The following ODAD2 variants were observed in gnomAD, a reference collection of about 807,000 sequenced individuals.
ODAD2 encodes outer dynein arm-docking complex subunit 2.
In ODAD2, 89 loss-of-function variants were observed where a neutral mutation model predicts 106.8. The observed-to-expected ratio is 0.83, with a 90% confidence interval of 0.70 to 0.99. ODAD2 has a LOEUF of 0.99. Ranked by LOEUF, ODAD2 falls within the 50% of genes least tolerant of loss-of-function variation. ODAD2 has a pLI of 0.00. For missense variants in ODAD2, 1,168 were observed against 1,238.5 expected, an observed-to-expected ratio of 0.94 and a Z score of 0.85; for synonymous variants, 404 against 436.2, an observed-to-expected ratio of 0.93 and a Z score of 0.92.
chr10:27,885,769 T>TTATATAAAATATATATTTATATAATA (rs1842145041), intron 17 of ODAD2, among the ~76,000 whole-genome samples: 2 of 38,392 alleles, frequency 5.2e-5, no homozygotes, highest in Non-Finnish European at 9.9e-5. Flanking sequence ...TTTATATATA[T>TTATATAAAATATATATTTATATAATA]TATATAAAAT....
At chr10:27,991,260 C>T (rs535526525) in intron 2 of ODAD2, among the ~76,000 whole-genome samples, 5 of 152,134 alleles carry the variant, frequency 3.3e-5, no homozygotes, top group East Asian at 1.9e-4. Flanking sequence ...GACCCCCAGC[C>T]CCCACCCCAA....
At chr10:27,961,790 T>G in intron 9 of ODAD2, 75 bp from the exon 10 acceptor site, 1 of 1,304,224 alleles carries the variant, frequency 7.7e-7, no homozygotes, top group East Asian at 2.4e-5. Context: ...TGGGGCCAGG[T>G]GCAGTGGCTC....
intron 17 of ODAD2, among the ~76,000 whole-genome samples, chr10:27,871,595 C>T (rs1448221442): frequency 6.6e-6 from 1 of 152,166 alleles, no homozygotes; most frequent in African/African-American, 2.4e-5. Context: ...TTTCCCAGCA[C>T]CATTTATTAA....
Position 27,974,752 on chromosome 10 carries a change from AAT to A in ODAD2, c.937-3441_937-3440del, listed in dbSNP as rs1849086921. Among the ~76,000 whole-genome samples, 6 of 151,240 alleles carry A rather than the reference AAT, an allele frequency of 4.0e-5. No individual in the cohort carries two copies. The South Asian group carries it at 1.3e-3, about 32-fold the overall frequency. ...TTTTCTGGTTCCATATGAATTTTAA[AAT>A]AGTTTTTTCTAGTTCTGTGAAGAAT... On this transcript the variant is annotated intron_variant, in intron 7 of 19. Coordinates refer to ENST00000305242, the MANE Select transcript of ODAD2 (RefSeq NM_018076.5).
chr10:27,954,131 T>C (rs930237967), intron 10 of ODAD2, among the ~76,000 whole-genome samples: 3 of 152,210 alleles, frequency 2.0e-5, no homozygotes, highest in South Asian at 4.1e-4. Flanking sequence ...CCTCAACTCA[T>C]ATATTTAAAA....
intron 10 of ODAD2, chr10:27,958,696 C>G (rs745371936): frequency 2.6e-6 from 1 of 380,796 alleles, no homozygotes; most frequent in Non-Finnish European, 4.4e-6. Flanking sequence ...TTATTGCCAA[C>G]AGTTACTAAC....
chr10:27,904,276 T>C, intron 17 of ODAD2: 1 of 403,944 alleles, frequency 2.5e-6, no homozygotes, highest in Non-Finnish European at 5.0e-6. Flanking sequence ...CCCCACAAAG[T>C]GGCACAGGAC....
intron 10 of ODAD2, chr10:27,959,091 C>T (rs1564549289): frequency 1.9e-6 from 2 of 1,044,342 alleles, no homozygotes; most frequent in African/African-American, 1.7e-5. Context: ...AATCCCAGCA[C>T]TTTGGGAGGC....
intron 17 of ODAD2, among the ~76,000 whole-genome samples, chr10:27,884,770 G>A (rs1841961554): frequency 1.3e-5 from 2 of 152,122 alleles, no homozygotes. Flanking sequence ...AAGCTGGGGT[G>A]AGCCTCTTTG....
chr10:27,940,509 G>C, intron 13 of ODAD2, 54 bp downstream of exon 13: 3 of 1,597,722 alleles, frequency 1.9e-6, no homozygotes, highest in East Asian at 4.5e-5. Flanking sequence ...AACAACTTTT[G>C]GACTAAAGAA....
rs562678387 is a variant in ODAD2 at position 27,864,187 on chromosome 10, G to A, written c.2611-1565C>T. Among the ~76,000 whole-genome samples, 181 of 151,556 alleles carry A rather than the reference G, an allele frequency of 1.2e-3. 1 individual carries two copies. Among genetic ancestry groups the A allele is most frequent in the African/African-American group, 4.0e-3 (167 of 41,270 alleles). ...GCCTGGAGAGAAGATTGTGGATTTGGGAAGCTTGCTTGGAGAAGATAGAGA... is the reference window on the plus strand; with the variant it reads ...GCCTGGAGAGAAGATTGTGGATTTGAGAAGCTTGCTTGGAGAAGATAGAGA... On this transcript the variant is annotated intron_variant, in intron 17 of 19. Coordinates refer to ENST00000305242, the MANE Select transcript of ODAD2 (RefSeq NM_018076.5).
chr10:27,817,427 C>T (rs1014527326), intron 19 of ODAD2, among the ~76,000 whole-genome samples: 8 of 152,130 alleles, frequency 5.3e-5, no homozygotes, highest in Non-Finnish European at 7.3e-5. Flanking sequence ...GAAGTCTGGG[C>T]TTTTAATGCA....
At chr10:27,945,948 G>A (rs1429863300) in intron 10 of ODAD2, among the ~76,000 whole-genome samples, 2 of 151,600 alleles carry the variant, frequency 1.3e-5, no homozygotes, top group Non-Finnish European at 2.9e-5. Flanking sequence ...TGTTTTAAGG[G>A]AAGACACCTT....
chr10:27,923,949 A>T (rs1311968157), intron 16 of ODAD2, among the ~76,000 whole-genome samples: 2 of 40,718 alleles, frequency 4.9e-5, no homozygotes, highest in Non-Finnish European at 9.5e-5. Context: ...GTCTAATGAA[A>T]GAAAGAAAGA....
rs79786826 is a variant in ODAD2 at position 27,855,130 on chromosome 10, A to G, written c.3021+5495T>C. The stretch of plus-strand genomic sequence containing the variant: ...TGTAGGCATATATATGTCAAAATCT[A>G]TCAAAGTGTACACCTTAAAATGTGC... On this transcript the variant is annotated intron_variant, in intron 19 of 19. Coordinates refer to ENST00000305242, the MANE Select transcript of ODAD2 (RefSeq NM_018076.5). Among the ~76,000 whole-genome samples the G allele has an allele frequency of 2.0e-5, 3 of 152,298 alleles. No homozygotes were observed. In the East Asian group the frequency reaches 5.8e-4, roughly 29 times the overall value.
chr10:27,983,798 A>G (rs778734931), intron 6 of ODAD2, 45 bp downstream of exon 6: 9 of 1,583,670 alleles, frequency 5.7e-6, no homozygotes, highest in South Asian at 1.1e-5. Context: ...ACAGCTAACA[A>G]TCAAAGTCCA....
chr10:27,955,696 G>GGT (rs56731384), intron 10 of ODAD2, among the ~76,000 whole-genome samples: 9,586 of 142,816 alleles, frequency 0.067, 399 homozygotes, highest in East Asian at 0.16. Context: ...AACCAATTAA[G>GGT]GTGTGTGTGT....
chr10:27,950,906 TA>T (rs1365402884), intron 10 of ODAD2, among the ~76,000 whole-genome samples: 3 of 152,114 alleles, frequency 2.0e-5, no homozygotes, highest in East Asian at 1.9e-4. Context: ...GATAATTAAT[TA>T]AAAAATAGTT....
At chr10:27,931,917 G>A (rs1164261758) in intron 16 of ODAD2, among the ~76,000 whole-genome samples, 1 of 151,712 alleles carries the variant, frequency 6.6e-6, no homozygotes, top group Non-Finnish European at 1.5e-5. Context: ...CCCATCATAA[G>A]TTGAAAATAT....
Sources: gnomAD v4.1 joint callset for allele counts (sites outside exome capture counted in the v4.1 genomes callset) on GRCh38, gnomAD v4.1.1 for gene constraint, MANE v1.5 for transcripts, NCBI Gene and HGNC (gene_info 2026-07-23, HGNC 2026-07-21) for gene names.